Variants in CYP39A1 observed in about 807,000 individuals in gnomAD.
CYP39A1 encodes cytochrome P450 family 39 subfamily A member 1.
A neutral mutation model predicts 58.1 loss-of-function variants in CYP39A1; 49 were observed. The ratio of observed to expected loss-of-function variants is 0.84; its 90% CI spans 0.67 to 1.07. The LOEUF (loss-of-function observed/expected upper bound fraction) is 1.07, where lower values mean the gene tolerates loss of function less well. CYP39A1 is among the 50% of genes least tolerant of loss of function. The probability of loss-of-function intolerance (pLI) is 0.00; values close to 1 mark genes in which losing one functional copy is unlikely to be tolerated. For synonymous variants in CYP39A1, 209 were observed against 187.6 expected (o/e 1.11, Z -0.93); for missense variants, 531 against 539.4 (o/e 0.98, Z 0.16).
At chr6:46,557,933 C>CAAAAAAAAAAAAAAAAAAAAAAAAA (rs1186594398) in intron 10 of CYP39A1, among the ~76,000 whole-genome samples, 7 of 37,640 alleles carry the variant, frequency 1.9e-4, no homozygotes, top group African/African-American at 4.0e-4. Flanking sequence ...GACTCCATCT[C>CAAAAAAAAAAAAAAAAAAAAAAAAA]AAAAAAAAAA....
chr6:46,622,752 A>G, intron 7 of CYP39A1, among the ~76,000 whole-genome samples: 1 of 152,196 alleles, frequency 6.6e-6, no homozygotes, highest in African/African-American at 2.4e-5. Flanking sequence ...AGGATTAGTT[A>G]GAGGAAGTAG....
At chr6:46,632,452 C>T (rs567290974) in intron 5 of CYP39A1, among the ~76,000 whole-genome samples, 5 of 150,158 alleles carry the variant, frequency 3.3e-5, no homozygotes, top group Non-Finnish European at 7.4e-5. Flanking sequence ...CCTTCCCTGG[C>T]TCTATTTGTC....
intron 5 of CYP39A1, among the ~76,000 whole-genome samples, chr6:46,633,817 A>G (rs1775799677): frequency 6.6e-6 from 1 of 152,078 alleles, no homozygotes; most frequent in Admixed American, 6.5e-5. Flanking sequence ...AGATCACACC[A>G]CTGCACTCCA....
intron 1 of CYP39A1, among the ~76,000 whole-genome samples, chr6:46,646,316 G>A (rs1218975680): frequency 1.3e-5 from 2 of 152,038 alleles, no homozygotes; most frequent in Non-Finnish European, 2.9e-5. Flanking sequence ...CTGATATCAT[G>A]AATGGATATC....
chr6:46,636,829 C>A (rs1776018286), intron 4 of CYP39A1, among the ~76,000 whole-genome samples: 2 of 152,182 alleles, frequency 1.3e-5, no homozygotes, highest in Admixed American at 6.5e-5. Flanking sequence ...CAATCGCTGA[C>A]TTAAGCCGGG....
chr6:46,616,234 C>CCTT (rs1561994462), intron 7 of CYP39A1, among the ~76,000 whole-genome samples: 3 of 35,742 alleles, frequency 8.4e-5, no homozygotes, highest in Admixed American at 3.9e-4. Flanking sequence ...CTCCCTCCCT[C>CCTT]CCTCCCTCCC....
At chr6:46,622,598 AC>A (rs1399522338) in intron 7 of CYP39A1, among the ~76,000 whole-genome samples, 1 of 152,122 alleles carries the variant, frequency 6.6e-6, no homozygotes, top group Non-Finnish European at 1.5e-5. Flanking sequence ...ACAAAGTGAG[AC>A]CCTGTTGCTA....
At chr6:46,576,798 A>C (rs1050705685) in intron 10 of CYP39A1, among the ~76,000 whole-genome samples, 2 of 152,242 alleles carry the variant, frequency 1.3e-5, no homozygotes, top group South Asian at 2.1e-4. Context: ...AATAAAGAAA[A>C]AATAATTTAT....
chr6:46,645,609 C>G (rs953326582), intron 1 of CYP39A1, among the ~76,000 whole-genome samples: 1 of 152,106 alleles, frequency 6.6e-6, no homozygotes, highest in African/African-American at 2.4e-5. Flanking sequence ...AATGATTCCT[C>G]TCATTCTATT....
chr6:46,562,557 C>T (rs1771039766), intron 10 of CYP39A1, among the ~76,000 whole-genome samples: 2 of 151,828 alleles, frequency 1.3e-5, no homozygotes, highest in South Asian at 4.2e-4. Flanking sequence ...CACTTGAGCT[C>T]AGGAGTTGGA....
rs1770312283 is a variant in CYP39A1 at position 46,550,153 on chromosome 6, A to G, written c.*213T>C. On this transcript the variant is annotated 3_prime_UTR_variant, in exon 12 of 12. Coordinates refer to ENST00000275016, the MANE Select transcript of CYP39A1 (RefSeq NM_016593.5). Reference sequence around the variant, plus strand: ...ATCATTTGATCATTTCCTATAAACCATGTATTCCGGTCTCTATATTACTGA... The same window carrying G: ...ATCATTTGATCATTTCCTATAAACCGTGTATTCCGGTCTCTATATTACTGA... 2.6e-6 allele frequency: 1 copy of G among 384,548 alleles called. No homozygotes were observed. The highest frequency in any genetic ancestry group is 2.1e-5 in the African/African-American group (1 of 48,274). The allele number at this position is 384,548 out of a possible 1,614,324, so 23.8% of individuals were successfully genotyped here.
chr6:46,578,335 A>G (rs1395096845), intron 10 of CYP39A1, among the ~76,000 whole-genome samples: 1 of 152,054 alleles, frequency 6.6e-6, no homozygotes, highest in Admixed American at 6.6e-5. Context: ...AAAGATCTCA[A>G]ATTAACAATC....
At chr6:46,559,483 C>G (rs1461834891) in intron 10 of CYP39A1, among the ~76,000 whole-genome samples, 1 of 152,136 alleles carries the variant, frequency 6.6e-6, no homozygotes, top group African/African-American at 2.4e-5. Context: ...ATTTCCCTAC[C>G]TATGCTGTAA....
chr6:46,585,617 G>T (rs1332972547), intron 10 of CYP39A1, among the ~76,000 whole-genome samples: 3 of 152,056 alleles, frequency 2.0e-5, no homozygotes, highest in Admixed American at 6.6e-5. Context: ...ATAATGTTCA[G>T]CTTTGGAGTT....
chr6:46,633,282 C>T (rs768358858), intron 5 of CYP39A1, among the ~76,000 whole-genome samples: 2 of 151,986 alleles, frequency 1.3e-5, no homozygotes, highest in Non-Finnish European at 2.9e-5. Flanking sequence ...AAGTTTATAC[C>T]TCATGAAAAT....
At chr6:46,635,049 C>T (rs1775894598) in intron 5 of CYP39A1, among the ~76,000 whole-genome samples, 1 of 152,142 alleles carries the variant, frequency 6.6e-6, no homozygotes, top group Non-Finnish European at 1.5e-5. Context: ...TCCCTTTATT[C>T]AGGAAGGAGA....
At chr6:46,562,244 A>C (rs1283822129) in intron 10 of CYP39A1, among the ~76,000 whole-genome samples, 2 of 151,926 alleles carry the variant, frequency 1.3e-5, no homozygotes, top group Non-Finnish European at 2.9e-5. Flanking sequence ...GCTGGTCTTG[A>C]ACTCCTGACC....
chr6:46,558,904 G>A (rs573838200), intron 10 of CYP39A1, among the ~76,000 whole-genome samples: 1 of 151,396 alleles, frequency 6.6e-6, no homozygotes, highest in East Asian at 2.0e-4. Context: ...GCTGAGGCAG[G>A]AGAATTGCTT....
chr6:46,602,379 T>C (rs2206927), intron 7 of CYP39A1, among the ~76,000 whole-genome samples: 1 of 152,020 alleles, frequency 6.6e-6, no homozygotes. Context: ...CAGCATCACG[T>C]GGAAGGCTTG....
Sources: allele counts gnomAD v4.1 joint callset (sites outside exome capture counted in the v4.1 genomes callset), GRCh38; gene constraint gnomAD v4.1.1; transcripts MANE v1.5; gene names NCBI Gene and HGNC (gene_info 2026-07-23, HGNC 2026-07-21).